The following CMIP variants were observed in gnomAD, a reference collection of about 807,000 sequenced individuals.
CMIP encodes the protein c-Maf inducing protein.
In CMIP, 13 loss-of-function variants were observed where a neutral mutation model predicts 97.3. That is an observed-to-expected ratio of 0.13 (90% CI 0.09 to 0.21). The LOEUF (loss-of-function observed/expected upper bound fraction) is 0.21, where lower values mean the gene tolerates loss of function less well. Among genes scored for constraint, CMIP ranks in the 10% least tolerant of loss-of-function variants. CMIP has a pLI of 1.00. For synonymous variants in CMIP, 538 were observed against 436.3 expected, an observed-to-expected ratio of 1.23 and a Z score of -2.91; for missense variants, 847 against 1,024.9, an observed-to-expected ratio of 0.83 and a Z score of 2.37.
chr16:81,645,595 C>G (rs900079753), intron 3 of CMIP: 1 of 1,535,816 alleles, frequency 6.5e-7, no homozygotes. Context: ...CAAGTGTTGC[C>G]CAGGTAACGT....
In CMIP at chr16:81,629,721, T is replaced by G. The variant is rs200542651; in HGVS notation, c.477+8795T>G. 5.3e-5 allele frequency among the ~76,000 whole-genome samples: 8 copies of G among 152,364 alleles called. No individual in the cohort carries two copies. In the East Asian group the frequency reaches 1.4e-3, roughly 26 times the overall value. ...CAGTCCTGTGAGCCTCGCCAAGGCA[T>G]GGCAGCTCAGACATCCCAGTGCCGT... On this transcript the variant is annotated intron_variant, in intron 3 of 20. Coordinates refer to ENST00000537098, the MANE Select transcript of CMIP (RefSeq NM_198390.3).
intron 4 of CMIP, among the ~76,000 whole-genome samples, chr16:81,654,744 C>T (rs957864887): frequency 5.3e-5 from 8 of 152,202 alleles, no homozygotes; most frequent in Non-Finnish European, 1.0e-4. Context: ...AAGTAGCTTA[C>T]ACAGGGCCAG....
intron 1 of CMIP, among the ~76,000 whole-genome samples, chr16:81,576,585 C>G (rs1027166131): frequency 1.3e-5 from 2 of 152,210 alleles, no homozygotes; most frequent in East Asian, 1.9e-4. Context: ...GTAGGTTGCT[C>G]AGGGATACGT....
At chr16:81,673,977 G>C (rs566588112) in intron 9 of CMIP, among the ~76,000 whole-genome samples, 9 of 152,144 alleles carry the variant, frequency 5.9e-5, no homozygotes, top group African/African-American at 1.9e-4. Context: ...ACCTGTACAG[G>C]GGGGATTTCT....
chr16:81,500,495 CTT>C (rs540360121), intron 1 of CMIP, among the ~76,000 whole-genome samples: 1 of 110,014 alleles, frequency 9.1e-6, no homozygotes. Flanking sequence ...TTCTTTCTTT[CTT>C]TTTTTTTTTT....
chr16:81,564,288 C>G (rs774313680), intron 1 of CMIP, among the ~76,000 whole-genome samples: 16 of 152,304 alleles, frequency 1.1e-4, no homozygotes, highest in Non-Finnish European at 1.9e-4. Context: ...ACTTCCAACC[C>G]CACTTAAGGT....
intron 10 of CMIP, among the ~76,000 whole-genome samples, chr16:81,686,132 T>C (rs74031237): frequency 0.28 from 42,620 of 152,148 alleles, 6,230 homozygotes; most frequent in Middle Eastern, 0.34. Context: ...ATGGGAGCCC[T>C]TGGAGAGCAC....
At chr16:81,510,522 A>G (rs1484115562) in intron 1 of CMIP, among the ~76,000 whole-genome samples, 1 of 152,146 alleles carries the variant, frequency 6.6e-6, no homozygotes, top group Admixed American at 6.5e-5. Flanking sequence ...TTAGCAAGCA[A>G]AGGGACATGC....
chr16:81,523,946 C>T (rs950899828), intron 1 of CMIP, among the ~76,000 whole-genome samples: 1 of 152,248 alleles, frequency 6.6e-6, no homozygotes, highest in African/African-American at 2.4e-5. Flanking sequence ...GCTCCTGGCT[C>T]CTGAGTTGTA....
chr16:81,591,256 G>A (rs1457020561), intron 1 of CMIP, among the ~76,000 whole-genome samples: 1 of 152,140 alleles, frequency 6.6e-6, no homozygotes, highest in Non-Finnish European at 1.5e-5. Flanking sequence ...TCTTTGAGCA[G>A]TTGACCCAGT....
intron 1 of CMIP, among the ~76,000 whole-genome samples, chr16:81,556,287 G>A (rs1420556361): frequency 6.6e-6 from 1 of 152,086 alleles, no homozygotes; most frequent in East Asian, 1.9e-4. Flanking sequence ...GGTGGCGGCG[G>A]GCACTAGGTT....
intron 1 of CMIP, among the ~76,000 whole-genome samples, chr16:81,596,940 T>C (rs2091567226): frequency 6.6e-6 from 1 of 152,224 alleles, no homozygotes; most frequent in Admixed American, 6.5e-5. Context: ...TTGCTTTTGC[T>C]CCATGCTCAG....
rs970119778 is a variant in CMIP, at chr16:81,643,697, C to T, written c.478-8506C>T. On this transcript the variant is annotated intron_variant, in intron 3 of 20. Coordinates refer to ENST00000537098, the MANE Select transcript of CMIP (RefSeq NM_198390.3). Reference sequence around the variant, plus strand: ...ATCCCAGCTGCTGGGAAGGCTGAGGCAGGAGAATCACTTGAACCCAGAAGG... The same window carrying T: ...ATCCCAGCTGCTGGGAAGGCTGAGGTAGGAGAATCACTTGAACCCAGAAGG... Among the ~76,000 whole-genome samples the T allele has an allele frequency of 2.0e-5, 3 of 152,128 alleles. No individual in the cohort carries two copies. The South Asian group carries it at 6.2e-4, about 32-fold the overall frequency.
chr16:81,511,891 A>T (rs538742987), intron 1 of CMIP, among the ~76,000 whole-genome samples: 8 of 152,172 alleles, frequency 5.3e-5, no homozygotes, highest in Non-Finnish European at 1.2e-4. Flanking sequence ...GTGCTGTCCA[A>T]TACCACGGCC....
chr16:81,505,319 T>A (rs539369577), intron 1 of CMIP, among the ~76,000 whole-genome samples: 1 of 152,358 alleles, frequency 6.6e-6, no homozygotes, highest in African/African-American at 2.4e-5. Context: ...AGGAGAGAAC[T>A]GGGCCTGTGT....
chr16:81,645,377 A>C, intron 3 of CMIP: 1 of 1,455,250 alleles, frequency 6.9e-7, no homozygotes, highest in Non-Finnish European at 9.1e-7. Flanking sequence ...CGCGAGCCCC[A>C]GAGGCTGCGG....
chr16:81,621,125 A>C lies in CMIP; in HGVS notation c.477+199A>C. The C allele has an allele frequency of 5.2e-6, 3 of 572,888 alleles. No homozygotes were observed. In the East Asian group the frequency reaches 9.1e-5, roughly 17 times the overall value. 35.5% of individuals were successfully genotyped at this position (572,888 alleles called of 1,614,324 possible). On this transcript the variant is annotated intron_variant, in intron 3 of 20. Coordinates refer to ENST00000537098, the MANE Select transcript of CMIP (RefSeq NM_198390.3). The surrounding 1 kb of genome is among the most constrained non-coding windows in gnomAD (Gnocchi z 4.1). ...AATTCCTGTCCCCTGCAGTGCTGAAATAGCATTCTCGCCCTGGTGTTCTCA... is the reference window on the plus strand; with the variant it reads ...AATTCCTGTCCCCTGCAGTGCTGAACTAGCATTCTCGCCCTGGTGTTCTCA...
chr16:81,565,124 GCATGGTAAC>G (rs1268540530), intron 1 of CMIP, among the ~76,000 whole-genome samples: 1 of 152,142 alleles, frequency 6.6e-6, no homozygotes, highest in African/African-American at 2.4e-5. Context: ...TGGGGGAATG[GCATGGTAAC>G]CATGGCATTA....
chr16:81,487,571 A>G (rs1056693791), intron 1 of CMIP, among the ~76,000 whole-genome samples: 5 of 152,210 alleles, frequency 3.3e-5, no homozygotes, highest in Admixed American at 6.5e-5. Flanking sequence ...AGGAAGCCAG[A>G]GCCAGAGCGC....
Sources: allele counts gnomAD v4.1 joint callset (sites outside exome capture counted in the v4.1 genomes callset), GRCh38; gene constraint gnomAD v4.1.1; non-coding constraint Gnocchi (gnomAD v3.1); transcripts MANE v1.5; gene names NCBI Gene and HGNC (gene_info 2026-07-23, HGNC 2026-07-21).